Variants in SACS observed in about 807,000 individuals in gnomAD.
SACS encodes the protein sacsin.
In SACS, 197 loss-of-function variants were observed where a neutral mutation model predicts 348.0. The ratio of observed to expected loss-of-function variants is 0.57; its 90% CI spans 0.50 to 0.64. SACS has a LOEUF of 0.64. Among genes scored for constraint, SACS ranks in the 30% least tolerant of loss-of-function variants. SACS has a pLI of 0.00. For synonymous variants in SACS, 1,985 were observed against 1,910.6 expected, an observed-to-expected ratio of 1.04 and a Z score of -1.02; for missense variants, 4,999 against 5,360.8, an observed-to-expected ratio of 0.93 and a Z score of 2.11.
intron 2 of SACS, among the ~76,000 whole-genome samples, chr13:23,379,141 G>A (rs557764674): frequency 3.5e-4 from 54 of 152,208 alleles, no homozygotes; most frequent in African/African-American, 1.2e-3. Flanking sequence ...CCCAGCTCTC[G>A]CGCCTGCTGC....
rs1868853236 is a variant in SACS, at chr13:23,338,306, T to C, written c.5570A>G (p.Gln1857Arg). 1 of 1,614,048 alleles carries C rather than the reference T, an allele frequency of 6.2e-7. No homozygotes were observed. The highest frequency in any genetic ancestry group is 1.1e-5 in the South Asian group (1 of 91,094). The change falls in exon 10 of 10, where the codon CAG (glutamine) becomes CGG (arginine). Residue 1857 changes from glutamine to arginine, a missense_variant. Transcript: ENST00000382292. ...GAVGVQLSEIQDQKWTVKPHI... is the reference protein window; with the variant it reads ...GAVGVQLSEIRDQKWTVKPHI... ...TGGTTTCACTGTCCACTTCTGGTCCTGGATTTCTGACAGCTGAACTCCTAC... is the reference window on the plus strand; with the variant it reads ...TGGTTTCACTGTCCACTTCTGGTCCCGGATTTCTGACAGCTGAACTCCTAC...
Position 23,334,769 on chromosome 13 carries a change from T to C in SACS, c.9107A>G (p.Gln3036Arg), listed in dbSNP as rs541255750. The change falls in exon 10 of 10, where the codon CAA (glutamine) becomes CGA (arginine). Residue 3036 changes from glutamine to arginine, a missense_variant. Coordinates refer to ENST00000382292, the MANE Select transcript of SACS (RefSeq NM_014363.6). ...ATTATAATCTGCATTTTTAAGGTGTTGTAATTCATCCTGTAGTAAATTGTC... is the reference window on the plus strand; with the variant it reads ...ATTATAATCTGCATTTTTAAGGTGTCGTAATTCATCCTGTAGTAAATTGTC... ...FFDNLLQDEL[Q>R]HLKNADYNIT... The C allele has an allele frequency of 1.2e-6, 2 of 1,613,810 alleles. No homozygotes were observed. The highest frequency in any genetic ancestry group is 1.1e-5 in the South Asian group (1 of 91,068).
chr13:23,415,680 A>G (rs1200032410), intron 1 of SACS, among the ~76,000 whole-genome samples: 1 of 152,142 alleles, frequency 6.6e-6, no homozygotes, highest in East Asian at 1.9e-4. Context: ...TTTATTCTTT[A>G]CTTAATATTT....
chr13:23,338,680 T>TAAA lies in SACS; in HGVS notation c.5193_5195dup (p.Val1731_Leu1732insPhe). ...TCTTCATGAGCTTAGCAGCCTCTTT[T>TAAA]AAAACACTTAAGACAGGTGTGTTCA... On this transcript the variant is annotated inframe_insertion, in exon 10 of 10. Coordinates refer to ENST00000382292, the MANE Select transcript of SACS (RefSeq NM_014363.6). The TAAA allele has an allele frequency of 5.6e-6, 9 of 1,614,110 alleles. No individual in the cohort carries two copies. The highest frequency in any genetic ancestry group is 7.6e-6 in the Non-Finnish European group (9 of 1,180,012).
At position 23,332,132 on chromosome 13, in the gene SACS, CTA is replaced by C; in HGVS notation, c.11742_11743del (p.Arg3915IlefsTer10). On this transcript the variant is annotated frameshift_variant, in exon 10 of 10. Transcript: ENST00000382292. LOFTEE classifies it high-confidence loss of function. ...CACTAAGATGCTTGACTTTACCAAT[CTA>C]CCATCCTGGCTTGGGAGGTAAAGCG... 6.2e-7 allele frequency: 1 copy of C among 1,614,076 alleles called. No individual in the cohort carries two copies. The highest frequency in any genetic ancestry group is 8.5e-7 in the Non-Finnish European group (1 of 1,179,970).
At position 23,333,362 on chromosome 13, in the gene SACS, G is replaced by A. The variant is rs1245310261; in HGVS notation, c.10514C>T (p.Ser3505Leu). Residue 3505 changes from serine to leucine, a missense_variant, in exon 10 of 10, where the codon TCA becomes TTA. Coordinates refer to ENST00000382292, the MANE Select transcript of SACS (RefSeq NM_014363.6). ...EHLIYLKNRL[S>L]SAEELSEIKE... ...AATCTCTGATAATTCCTCAGCACTTGATAATCTATTCTTAAGGTAGATCAA... is the reference window on the plus strand; with the variant it reads ...AATCTCTGATAATTCCTCAGCACTTAATAATCTATTCTTAAGGTAGATCAA... 1 of 1,598,052 alleles carries A rather than the reference G, an allele frequency of 6.3e-7. No homozygotes were observed.
At chr13:23,409,656 A>G (rs1440032467) in intron 2 of SACS, among the ~76,000 whole-genome samples, 2 of 152,134 alleles carry the variant, frequency 1.3e-5, no homozygotes, top group African/African-American at 4.8e-5. Flanking sequence ...GCCTGGTTTG[A>G]TAAAAGTGTA....
At chr13:23,426,852 T>C (rs1170374834) in intron 1 of SACS, 1 of 152,168 alleles carries the variant, frequency 6.6e-6, no homozygotes, top group Admixed American at 6.6e-5. Context: ...GGGAGGCAGG[T>C]TTGCCCTAAG....
chr13:23,414,033 A>C (rs563581281), intron 1 of SACS, among the ~76,000 whole-genome samples: 3 of 152,340 alleles, frequency 2.0e-5, no homozygotes, highest in African/African-American at 7.2e-5. Flanking sequence ...GGCCGTGCAC[A>C]GTGGCTCACG....
At chr13:23,379,877 T>C (rs17078671) in intron 2 of SACS, among the ~76,000 whole-genome samples, 6,871 of 152,252 alleles carry the variant, frequency 0.045, 415 homozygotes, top group African/African-American at 0.14. Context: ...GCTACCACCA[T>C]GGCTTTATGC....
chr13:23,345,867 G>A (rs1315736954), intron 9 of SACS, among the ~76,000 whole-genome samples: 1 of 151,972 alleles, frequency 6.6e-6, no homozygotes, highest in Non-Finnish European at 1.5e-5. Context: ...TGAACTTGGG[G>A]AAAATAGGAC....
chr13:23,331,933 T>C lies in SACS; in HGVS notation c.11943A>G (p.Gln3981=), dbSNP rs972356606. The C allele has an allele frequency of 1.2e-6, 2 of 1,614,094 alleles. No individual in the cohort carries two copies. The highest frequency in any genetic ancestry group is 1.7e-6 in the Non-Finnish European group (2 of 1,179,968). The part of the protein sequence containing the change: ...PRLLSSILEE[Q]LDEETPKVCQ... ...AAACTTTGGGAGTCTCTTCATCTAA[T>C]TGTTCTTCAAGTATACTGCTCAATA... Residue 3981 remains glutamine (Q), a synonymous_variant, in exon 10 of 10, where the codon CAA becomes CAG. Coordinates refer to ENST00000382292, the MANE Select transcript of SACS (RefSeq NM_014363.6).
At chr13:23,409,729 G>A (rs1873408255) in intron 2 of SACS, among the ~76,000 whole-genome samples, 1 of 152,046 alleles carries the variant, frequency 6.6e-6, no homozygotes, top group Non-Finnish European at 1.5e-5. Context: ...TCATAAATGT[G>A]GCTATATCTA....
chr13:23,375,083 G>A lies in SACS; in HGVS notation c.171+36C>T. 2.8e-6 allele frequency: 4 copies of A among 1,453,616 alleles called. No individual in the cohort carries two copies. The South Asian group carries it at 4.2e-5, about 15-fold the overall frequency. The allele number at this position is 1,453,616 out of a possible 1,614,324, so 90.0% of individuals were successfully genotyped here. A position where few individuals can be genotyped will look rare whatever the true frequency, so the allele number is the denominator to read the frequency against. ...TCGACGCCCGCCGTTCCTCCGCGTG[G>A]CGGAGCCCAGCCCAGCGCCCCCGGC... On this transcript the variant is annotated intron_variant, in intron 3 of 9. Transcript: ENST00000382292.
At chr13:23,396,704 T>C (rs1872725215) in intron 2 of SACS, among the ~76,000 whole-genome samples, 2 of 152,326 alleles carry the variant, frequency 1.3e-5, no homozygotes, top group African/African-American at 4.8e-5. Flanking sequence ...ACTGTTTTTC[T>C]TTAATTTTGT....
intron 2 of SACS, among the ~76,000 whole-genome samples, chr13:23,399,812 C>A (rs1316798280): frequency 6.6e-6 from 1 of 152,022 alleles, no homozygotes; most frequent in African/African-American, 2.4e-5. Flanking sequence ...CCTAGATAAG[C>A]CCCCTCCAGC....
intron 9 of SACS, among the ~76,000 whole-genome samples, chr13:23,351,975 CTATAT>C (rs1869987057): frequency 6.6e-6 from 1 of 152,154 alleles, no homozygotes; most frequent in African/African-American, 2.4e-5. Flanking sequence ...GTCAAGTTTT[CTATAT>C]TAATTTATAC....
chr13:23,345,717 T>G (rs1046991576), intron 9 of SACS, among the ~76,000 whole-genome samples: 2 of 152,182 alleles, frequency 1.3e-5, no homozygotes, highest in Non-Finnish European at 2.9e-5. Flanking sequence ...ACCCAAAAAT[T>G]TTTATATGAA....
intron 7 of SACS, among the ~76,000 whole-genome samples, chr13:23,357,754 T>C (rs1466420366): frequency 4.5e-4 from 2 of 4,436 alleles, no homozygotes; most frequent in Non-Finnish European, 1.5e-3. Flanking sequence ...TTCCTATTGT[T>C]AACTAGGAAC....
Sources: allele counts gnomAD v4.1 joint callset (sites outside exome capture counted in the v4.1 genomes callset), GRCh38; gene constraint gnomAD v4.1.1; transcripts MANE v1.5; gene names NCBI Gene and HGNC (gene_info 2026-07-23, HGNC 2026-07-21).